SULT1C3: variants seen among roughly 807,000 people sequenced by gnomAD.
SULT1C3 encodes sulfotransferase 1C3.
In SULT1C3, 31 loss-of-function variants were observed where a neutral mutation model predicts 28.4. That is an observed-to-expected ratio of 1.09 (90% confidence interval 0.82 to 1.47). The LOEUF is 1.47. SULT1C3 is among the 40% of genes most tolerant of loss of function. SULT1C3 has a pLI of 0.00. For missense variants in SULT1C3, 307 were observed against 272.5 expected (o/e 1.13, Z -0.89); for synonymous variants, 106 against 92.2 (o/e 1.15, Z -0.86).
At chr2:108,248,071 A>T (rs1321104050) in intron 2 of SULT1C3, among the ~76,000 whole-genome samples, 1 of 152,168 alleles carries the variant, frequency 6.6e-6, no homozygotes, top group Non-Finnish European at 1.5e-5. Context: ...GGAGTAAGTG[A>T]TCAGTATATA....
At chr2:108,258,021 G>A (rs1462429371) in intron 5 of SULT1C3, among the ~76,000 whole-genome samples, 3 of 151,976 alleles carry the variant, frequency 2.0e-5, no homozygotes, top group Admixed American at 2.0e-4. Context: ...TTTTCCTCTG[G>A]AGAATGTTTT....
chr2:108,241,604 T>A (rs2104380108), intron 1 of SULT1C3, among the ~76,000 whole-genome samples: 1 of 152,330 alleles, frequency 6.6e-6, no homozygotes, highest in African/African-American at 2.4e-5. Context: ...TGTCTGTGAA[T>A]GACAAAATTT....
chr2:108,252,512 G>A lies in SULT1C3; in HGVS notation c.301+19G>A. On this transcript the variant is annotated intron_variant, in intron 3 of 7. Transcript: ENST00000681802. ...AAACCAGGTGAGTAATATGCACGAA[G>A]ATAGAAAGGACTTTCACTTCAGGAT... The A allele has an allele frequency of 1.2e-6, 2 of 1,610,334 alleles. No individual in the cohort carries two copies. Among genetic ancestry groups the A allele is most frequent in the South Asian group, 1.1e-5 (1 of 90,776 alleles).
intron 5 of SULT1C3, among the ~76,000 whole-genome samples, chr2:108,257,602 A>G (rs1675906390): frequency 6.6e-6 from 1 of 152,086 alleles, no homozygotes; most frequent in Non-Finnish European, 1.5e-5. Context: ...AAGGATAGAG[A>G]GAGGGAGATT....
chr2:108,243,531 T>G (rs1675510466), intron 1 of SULT1C3, among the ~76,000 whole-genome samples: 1 of 151,288 alleles, frequency 6.6e-6, no homozygotes, highest in Non-Finnish European at 1.5e-5. Context: ...CTTGGGAGGC[T>G]GAGGCAGGAG....
At chr2:108,253,277 T>C (rs769055137) in intron 3 of SULT1C3, 68 bp from the exon 4 acceptor site, 1 of 1,005,212 alleles carries the variant, frequency 9.9e-7, no homozygotes, top group Non-Finnish European at 1.4e-6. Flanking sequence ...GACAAAGATA[T>C]AAATGGAATT....
intron 2 of SULT1C3, among the ~76,000 whole-genome samples, chr2:108,247,605 C>T (rs553436158): frequency 6.6e-6 from 1 of 152,234 alleles, no homozygotes; most frequent in Non-Finnish European, 1.5e-5. Context: ...GCAGATAATG[C>T]TCCCATTCCA....
chr2:108,246,640 C>T (rs6758954), intron 1 of SULT1C3, among the ~76,000 whole-genome samples: 16,282 of 151,506 alleles, frequency 0.11, 1,352 homozygotes, highest in African/African-American at 0.23. Context: ...AAAATTATTC[C>T]ATGAATGAAA....
Position 108,255,693 on chromosome 2 carries a change from G to A in SULT1C3, c.521G>A (p.Gly174Glu). 1 of 1,609,956 alleles carries A rather than the reference G, an allele frequency of 6.2e-7. No individual in the cohort carries two copies. Among genetic ancestry groups the A allele is most frequent in the Non-Finnish European group, 8.5e-7 (1 of 1,177,390 alleles). ...LEEFYEKFMSGKVVGGSWFDH... is the reference protein window; with the variant it reads ...LEEFYEKFMSEKVVGGSWFDH... ...GAATTTTATGAGAAATTCATGTCCG[G>A]AAAAGGTGAGTTCAAACTGATCTTT... The change falls in exon 5 of 8, where the codon GGA becomes GAA. Residue 174 changes from glycine (G) to glutamate (E), a missense_variant. Gly to Glu is a moderately conservative substitution (Grantham distance 98). Coordinates refer to ENST00000681802, the MANE Select transcript of SULT1C3 (RefSeq NM_001320878.2).
intron 1 of SULT1C3, among the ~76,000 whole-genome samples, chr2:108,243,761 T>C (rs1400106068): frequency 6.6e-6 from 1 of 152,172 alleles, no homozygotes; most frequent in Non-Finnish European, 1.5e-5. Context: ...CCTAAACTGC[T>C]TTCAAGATCA....
chr2:108,264,878 AG>A, downstream of SULT1C3: 1 of 1,613,862 alleles, frequency 6.2e-7, no homozygotes, highest in East Asian at 2.2e-5. Flanking sequence ...AAGACATATC[AG>A]AGGAAATTCT....
downstream of SULT1C3, chr2:108,264,887 T>G: frequency 6.2e-7 from 1 of 1,613,846 alleles, no homozygotes; most frequent in Non-Finnish European, 8.5e-7. Flanking sequence ...CAGAGGAAAT[T>G]CTGAATAAAA....
At chr2:108,265,063 C>G, downstream of SULT1C3, 1 of 1,531,564 alleles carries the variant, frequency 6.5e-7, no homozygotes, top group South Asian at 1.3e-5. Flanking sequence ...CCATGGTCTG[C>G]TTAGATTTTC....
chr2:108,242,080 A>G (rs191759842), intron 1 of SULT1C3, among the ~76,000 whole-genome samples: 129 of 152,332 alleles, frequency 8.5e-4, no homozygotes, highest in Non-Finnish European at 1.2e-3. Context: ...TTATCTGTAA[A>G]GCAGGCAATA....
downstream of SULT1C3, chr2:108,265,158 ATT>A: frequency 6.9e-7 from 1 of 1,451,350 alleles, no homozygotes; most frequent in East Asian, 2.3e-5. Flanking sequence ...GTTTCTCCTC[ATT>A]CTTGGTGGGG....
At chr2:108,258,852 G>A (rs781144659) in intron 6 of SULT1C3, 24 bp downstream of exon 6, 3 of 1,565,752 alleles carry the variant, frequency 1.9e-6, no homozygotes, top group South Asian at 1.1e-5. Context: ...AGACTTATAG[G>A]TCAGACCCAG....
Position 108,260,689 on chromosome 2 carries a change from A to G in SULT1C3, c.*9A>G, listed in dbSNP as rs114711066. 1.2e-3 allele frequency: 553 copies of G among 462,908 alleles called. 3 individuals carry two copies. Among genetic ancestry groups the G allele is most frequent in the African/African-American group, 4.1e-3 (206 of 50,614 alleles). 28.7% of individuals were successfully genotyped at this position (462,908 alleles called of 1,614,324 possible). On this transcript the variant is annotated 3_prime_UTR_variant, in exon 8 of 8. Coordinates refer to ENST00000681802, the MANE Select transcript of SULT1C3 (RefSeq NM_001320878.2). ...TCTGCCTGGAGATCTGAGAGGAACA[A>G]CAACAAACTAGGTGACAGAGACTAT...
chr2:108,256,299 C>T (rs1675866000), intron 5 of SULT1C3, among the ~76,000 whole-genome samples: 1 of 151,954 alleles, frequency 6.6e-6, no homozygotes, highest in Non-Finnish European at 1.5e-5. Context: ...ATCAGATTGG[C>T]AAGGATCTCA....
Position 108,259,010 on chromosome 2 carries a change from A to G in SULT1C3, c.666A>G (p.Lys222=). 1 of 326,636 alleles carries G rather than the reference A, an allele frequency of 3.1e-6. No individual in the cohort carries two copies. The allele number at this position is 326,636 out of a possible 1,614,324, so 20.2% of individuals were successfully genotyped here. The change falls in exon 7 of 8, where the codon AAA becomes AAG. Residue 222 remains lysine, a synonymous_variant. Coordinates refer to ENST00000681802, the MANE Select transcript of SULT1C3 (RefSeq NM_001320878.2). ...EIHKVLEFLE[K]TWSGDVINKI... ...ACAAGGTGTTGGAATTCTTGGAGAA[A>G]ACTTGGTCAGGTGATGTTATAAACA...
Sources: gnomAD v4.1 joint callset for allele counts (sites outside exome capture counted in the v4.1 genomes callset) on GRCh38, gnomAD v4.1.1 for gene constraint, MANE v1.5 for transcripts, NCBI Gene and HGNC (gene_info 2026-07-23, HGNC 2026-07-21) for gene names.